Variants in GNAQ observed in about 807,000 individuals in gnomAD.
GNAQ encodes the protein guanine nucleotide-binding protein G(q) subunit alpha.
A neutral mutation model predicts 43.9 loss-of-function variants in GNAQ; 8 were observed. The ratio of observed to expected loss-of-function variants is 0.18; its 90% confidence interval spans 0.11 to 0.33. The LOEUF is 0.33. Ranked by LOEUF, GNAQ falls within the 10% of genes least tolerant of loss-of-function variation. GNAQ has a pLI of 1.00. For synonymous variants in GNAQ, 155 were observed against 170.7 expected (o/e 0.91, Z 0.71); for missense variants, 158 against 450.8 (o/e 0.35, Z 5.88).
chr9:77,976,662 T>C (rs1823306505), intron 1 of GNAQ, among the ~76,000 whole-genome samples: 1 of 152,246 alleles, frequency 6.6e-6, no homozygotes, highest in African/African-American at 2.4e-5. Context: ...AGTGCTGGGA[T>C]TACAGGCGTG....
At chr9:77,933,616 G>A (rs1829185651) in intron 1 of GNAQ, among the ~76,000 whole-genome samples, 1 of 148,836 alleles carries the variant, frequency 6.7e-6, no homozygotes, top group South Asian at 2.2e-4. Context: ...CTGCACTCCT[G>A]GGTGACAGAG....
chr9:77,815,031 C>T lies in GNAQ; in HGVS notation c.476+585G>A, dbSNP rs772839465. ...CCCAGGACATGAGTCTGACTGACAGCTCACAAAATAATTCTGGAATGTATG... is the reference window on the plus strand; with the variant it reads ...CCCAGGACATGAGTCTGACTGACAGTTCACAAAATAATTCTGGAATGTATG... On this transcript the variant is annotated intron_variant, in intron 3 of 6. Transcript: ENST00000286548. 5.9e-5 allele frequency among the ~76,000 whole-genome samples: 9 copies of T among 152,154 alleles called. 1 individual carries two copies. Among genetic ancestry groups the T allele is most frequent in the Non-Finnish European group, 1.5e-5 (1 of 68,012 alleles).
intron 1 of GNAQ, among the ~76,000 whole-genome samples, chr9:77,940,664 T>C (rs952770232): frequency 6.6e-6 from 1 of 152,170 alleles, no homozygotes; most frequent in Non-Finnish European, 1.5e-5. Flanking sequence ...TTAATAGTGA[T>C]GTATTTTAAA....
At chr9:78,001,794 G>A (rs1823647143) in intron 1 of GNAQ, among the ~76,000 whole-genome samples, 1 of 152,066 alleles carries the variant, frequency 6.6e-6, no homozygotes, top group Non-Finnish European at 1.5e-5. Context: ...GTGTTTCAAG[G>A]CCTTAAATTT....
intron 2 of GNAQ, among the ~76,000 whole-genome samples, chr9:77,838,125 C>T (rs1827421558): frequency 6.9e-6 from 1 of 144,922 alleles, no homozygotes; most frequent in South Asian, 2.2e-4. Context: ...CCTGGGATTA[C>T]AGGCATTAAT....
intron 2 of GNAQ, among the ~76,000 whole-genome samples, chr9:77,844,072 T>C (rs190183085): frequency 1.3e-5 from 2 of 152,272 alleles, no homozygotes; most frequent in Admixed American, 1.3e-4. Flanking sequence ...CCTCAATTTC[T>C]TTTTGGGGTA....
At chr9:77,961,171 GA>G (rs894741812) in intron 1 of GNAQ, among the ~76,000 whole-genome samples, 3 of 152,104 alleles carry the variant, frequency 2.0e-5, no homozygotes, top group African/African-American at 7.2e-5. Context: ...AAAATGGGGG[GA>G]AAAGCCCAGG....
At chr9:77,778,507 G>A (rs569872228) in intron 5 of GNAQ, among the ~76,000 whole-genome samples, 1 of 151,742 alleles carries the variant, frequency 6.6e-6, no homozygotes, top group Non-Finnish European at 1.5e-5. Flanking sequence ...GAAAGAGAGT[G>A]GAAGACAAAA....
chr9:77,770,270 A>G (rs1399287309), intron 5 of GNAQ, among the ~76,000 whole-genome samples: 1 of 152,208 alleles, frequency 6.6e-6, no homozygotes, highest in Admixed American at 6.5e-5. Context: ...AATGATGAAC[A>G]TTTATTCAGT....
chr9:77,996,160 C>T (rs889071387), intron 1 of GNAQ, among the ~76,000 whole-genome samples: 1 of 152,210 alleles, frequency 6.6e-6, no homozygotes, highest in African/African-American at 2.4e-5. Context: ...AGCAAAGCTC[C>T]TCAACATGCA....
intron 1 of GNAQ, among the ~76,000 whole-genome samples, chr9:77,998,770 C>T (rs1323659208): frequency 6.6e-6 from 1 of 152,020 alleles, no homozygotes; most frequent in East Asian, 1.9e-4. Flanking sequence ...TATTTACTAA[C>T]TGTATTTAAT....
At chr9:77,815,894 T>C in intron 2 of GNAQ, 124 bp from the exon 3 acceptor site, 1 of 561,340 alleles carries the variant, frequency 1.8e-6, no homozygotes, top group Non-Finnish European at 3.1e-6. Flanking sequence ...TACACTGGTT[T>C]ACAATAAAGT....
At chr9:77,729,387 C>T (rs1331086900) in intron 5 of GNAQ, among the ~76,000 whole-genome samples, 22 of 152,176 alleles carry the variant, frequency 1.4e-4, no homozygotes, top group Admixed American at 1.4e-3. Context: ...TGAAGCTACA[C>T]TTTCAAGCCT....
intron 2 of GNAQ, among the ~76,000 whole-genome samples, chr9:77,869,763 C>T (rs569596156): frequency 6.6e-6 from 1 of 152,300 alleles, no homozygotes; most frequent in African/African-American, 2.4e-5. Flanking sequence ...ATTGCCCTGC[C>T]TATAGTCAAA....
At chr9:77,899,375 G>A (rs2118148604) in intron 2 of GNAQ, among the ~76,000 whole-genome samples, 1 of 152,178 alleles carries the variant, frequency 6.6e-6, no homozygotes, top group South Asian at 2.1e-4. Flanking sequence ...GGGACTACAG[G>A]CATGAGCTAC....
intron 1 of GNAQ, among the ~76,000 whole-genome samples, chr9:77,928,742 C>T (rs186321870): frequency 1.1e-4 from 17 of 152,102 alleles, no homozygotes; most frequent in African/African-American, 2.9e-4. Flanking sequence ...ATTTTAGGTC[C>T]GGCATGGTGG....
chr9:77,779,356 T>C (rs1433922374), intron 5 of GNAQ, among the ~76,000 whole-genome samples: 1 of 151,832 alleles, frequency 6.6e-6, no homozygotes, highest in Non-Finnish European at 1.5e-5. Flanking sequence ...TGTTTTGAAC[T>C]AAACGAAAAA....
rs372844161 is a variant in GNAQ at position 77,919,782 on chromosome 9, T to C, written c.321+2379A>G. ...ATGGTATCTGAGGAAAACTCATATA[T>C]TGTAACGTTTTATGATGTCAATTTA... is the stretch of plus-strand genomic sequence containing the variant. On this transcript the variant is annotated intron_variant, in intron 2 of 6. Transcript: ENST00000286548. Among the ~76,000 whole-genome samples the C allele has an allele frequency of 6.6e-5, 10 of 152,292 alleles. No homozygotes were observed. The East Asian group carries it at 9.7e-4, about 15-fold the overall frequency.
intron 2 of GNAQ, among the ~76,000 whole-genome samples, chr9:77,821,041 G>A (rs1827105299): frequency 6.6e-6 from 1 of 152,182 alleles, no homozygotes; most frequent in South Asian, 2.1e-4. Context: ...AGGAAAAATA[G>A]AGAATGTATG....
Sources: allele counts gnomAD v4.1 joint callset (sites outside exome capture counted in the v4.1 genomes callset), GRCh38; gene constraint gnomAD v4.1.1; transcripts MANE v1.5; gene names NCBI Gene and HGNC (gene_info 2026-07-23, HGNC 2026-07-21).